ANKRD13C: variants seen among roughly 807,000 people sequenced by gnomAD.
The protein encoded by ANKRD13C is ankyrin repeat domain-containing protein 13C.
Under a neutral mutation model 65.5 loss-of-function variants are expected in ANKRD13C, and 16 were observed. The ratio of observed to expected loss-of-function variants is 0.24; its 90% CI spans 0.17 to 0.37. The LOEUF (loss-of-function observed/expected upper bound fraction) is 0.37, where lower values mean the gene tolerates loss of function less well. Among genes scored for constraint, ANKRD13C ranks in the 10% least tolerant of loss-of-function variants. The pLI is 1.00. For missense variants in ANKRD13C, 503 were observed against 655.9 expected (o/e 0.77, Z 2.55); for synonymous variants, 235 against 238.7 (o/e 0.98, Z 0.14).
intron 9 of ANKRD13C, among the ~76,000 whole-genome samples, chr1:70,278,327 T>C (rs1012569736): frequency 6.6e-6 from 1 of 151,790 alleles, no homozygotes; most frequent in Non-Finnish European, 1.5e-5. Flanking sequence ...ACCCCATCTC[T>C]ACTAAAAATA....
intron 1 of ANKRD13C, among the ~76,000 whole-genome samples, chr1:70,338,131 A>G (rs1682136580): frequency 6.6e-6 from 1 of 152,136 alleles, no homozygotes; most frequent in South Asian, 2.1e-4. Flanking sequence ...CTTTCATTAT[A>G]GGCAGTTTTA....
At chr1:70,325,713 C>T (rs1681504873) in intron 2 of ANKRD13C, among the ~76,000 whole-genome samples, 1 of 151,678 alleles carries the variant, frequency 6.6e-6, no homozygotes, top group Non-Finnish European at 1.5e-5. Context: ...CCCGTCTCTA[C>T]TAAAAAATAA....
intron 6 of ANKRD13C, among the ~76,000 whole-genome samples, chr1:70,302,214 G>A (rs1454517854): frequency 6.7e-6 from 1 of 150,010 alleles, no homozygotes; most frequent in African/African-American, 2.4e-5. Flanking sequence ...ATTCTGCCAG[G>A]AAAACAGGGG....
intron 11 of ANKRD13C, among the ~76,000 whole-genome samples, chr1:70,273,539 T>C (rs914512039): frequency 2.0e-5 from 3 of 152,232 alleles, no homozygotes; most frequent in African/African-American, 7.2e-5. Context: ...GGTGACAAAC[T>C]ACAAATAATC....
intron 1 of ANKRD13C, among the ~76,000 whole-genome samples, chr1:70,348,615 G>T (rs1682627591): frequency 6.6e-6 from 1 of 152,026 alleles, no homozygotes; most frequent in African/African-American, 2.4e-5. Flanking sequence ...TCCAATCACT[G>T]GCTAAAGAAA....
intron 5 of ANKRD13C, among the ~76,000 whole-genome samples, chr1:70,307,899 T>C (rs1368783240): frequency 2.0e-5 from 3 of 152,048 alleles, no homozygotes; most frequent in Non-Finnish European, 1.5e-5. Context: ...AAGTGGGCTA[T>C]GATCATGCCA....
At chr1:70,326,071 A>C (rs1572141928) in intron 2 of ANKRD13C, among the ~76,000 whole-genome samples, 1 of 151,198 alleles carries the variant, frequency 6.6e-6, no homozygotes, top group East Asian at 1.9e-4. Flanking sequence ...ATCTCTACTA[A>C]AAATACAAAA....
intron 9 of ANKRD13C, among the ~76,000 whole-genome samples, chr1:70,279,405 A>G (rs1286079954): frequency 1.3e-5 from 2 of 151,882 alleles, no homozygotes; most frequent in Non-Finnish European, 2.9e-5. Context: ...GGAAACCTAA[A>G]ATCACTTTCA....
At chr1:70,302,746 A>G (rs974541785) in intron 6 of ANKRD13C, among the ~76,000 whole-genome samples, 2 of 109,370 alleles carry the variant, frequency 1.8e-5, no homozygotes, top group Admixed American at 1.0e-4. Context: ...AAAAAAAAAA[A>G]AAAAAAAAAG....
chr1:70,347,730 C>T (rs1682590503), intron 1 of ANKRD13C, among the ~76,000 whole-genome samples: 1 of 152,082 alleles, frequency 6.6e-6, no homozygotes, highest in African/African-American at 2.4e-5. Flanking sequence ...TGGAGATGCA[C>T]ATGGGGAAGA....
intron 1 of ANKRD13C, among the ~76,000 whole-genome samples, chr1:70,342,739 A>AACACACACACACAC (rs373447795): frequency 3.1e-4 from 36 of 115,358 alleles, no homozygotes; most frequent in African/African-American, 8.7e-4. Context: ...CACACACAAT[A>AACACACACACACAC]ACACACACAC....
At position 70,347,719 on chromosome 1, in the gene ANKRD13C, T is replaced by TTG. The variant is rs1373251073; in HGVS notation, c.430+6258_430+6259dup. The stretch of plus-strand genomic sequence containing the variant: ...TTAACCCAAGGACAGTCCTACTCTG[T>TTG]TGGAGATGCACATGGGGAAGAAAGA... On this transcript the variant is annotated intron_variant, in intron 1 of 12. Transcript: ENST00000370944. Among the ~76,000 whole-genome samples, 3 of 152,158 alleles carry TTG rather than the reference T, an allele frequency of 2.0e-5. No homozygotes were observed. The South Asian group carries it at 6.2e-4, about 32-fold the overall frequency.
At chr1:70,266,899 G>A (rs537200754) in intron 12 of ANKRD13C, among the ~76,000 whole-genome samples, 1 of 152,168 alleles carries the variant, frequency 6.6e-6, no homozygotes, top group Non-Finnish European at 1.5e-5. Context: ...TGAAATGTAT[G>A]TGTATTCTGC....
At chr1:70,288,498 C>A (rs1437900708) in intron 9 of ANKRD13C, among the ~76,000 whole-genome samples, 1 of 152,150 alleles carries the variant, frequency 6.6e-6, no homozygotes. Context: ...TGTTCTTCAA[C>A]ATGTGAATGG....
chr1:70,289,984 T>C (rs1371330923), intron 9 of ANKRD13C, among the ~76,000 whole-genome samples: 1 of 152,098 alleles, frequency 6.6e-6, no homozygotes, highest in African/African-American at 2.4e-5. Flanking sequence ...ATTTCCTGAG[T>C]GCATTTTGTC....
At chr1:70,287,895 G>C (rs572154689) in intron 9 of ANKRD13C, among the ~76,000 whole-genome samples, 1 of 152,112 alleles carries the variant, frequency 6.6e-6, no homozygotes. Context: ...TGATGCATGC[G>C]TGTAATCTCA....
At chr1:70,327,371 G>C (rs565556694) in intron 2 of ANKRD13C, among the ~76,000 whole-genome samples, 3 of 152,268 alleles carry the variant, frequency 2.0e-5, no homozygotes, top group African/African-American at 7.2e-5. Context: ...AACAGGTTAA[G>C]AAACATGGAG....
chr1:70,323,725 A>AT lies in ANKRD13C; in HGVS notation c.577+1127dup, dbSNP rs761316959. Among the ~76,000 whole-genome samples the AT allele has an allele frequency of 2.6e-3, 369 of 141,254 alleles. 1 individual carries two copies. Among genetic ancestry groups the AT allele is most frequent in the South Asian group, 4.6e-3 (20 of 4,332 alleles). 92.7% of individuals were successfully genotyped at this position (141,254 alleles called of 152,430 possible). ...GTGCGGTACAATATACAGCTAAATA[A>AT]TTTTTTTTTTTTTTTTGAGACAGAG... On this transcript the variant is annotated intron_variant, in intron 3 of 12. Transcript: ENST00000370944.
At chr1:70,351,538 T>A (rs888023743) in intron 1 of ANKRD13C, among the ~76,000 whole-genome samples, 1 of 152,102 alleles carries the variant, frequency 6.6e-6, no homozygotes, top group African/African-American at 2.4e-5. Flanking sequence ...TAGCTGGGAT[T>A]ACAAGCATGC....
Sources: allele counts gnomAD v4.1 joint callset (sites outside exome capture counted in the v4.1 genomes callset), GRCh38; gene constraint gnomAD v4.1.1; transcripts MANE v1.5; gene names NCBI Gene and HGNC (gene_info 2026-07-23, HGNC 2026-07-21).